The following ARHGEF6 variants were observed in gnomAD, a reference collection of about 807,000 sequenced individuals.
ARHGEF6 encodes Rac/Cdc42 guanine nucleotide exchange factor 6, also known as rho guanine nucleotide exchange factor 6.
In ARHGEF6, 9 loss-of-function variants were observed where a neutral mutation model predicts 70.3. The ratio of observed to expected loss-of-function variants is 0.13; its 90% CI spans 0.08 to 0.22. ARHGEF6 has a LOEUF of 0.22. Among genes scored for constraint, ARHGEF6 ranks in the 10% least tolerant of loss-of-function variants. ARHGEF6 has a pLI of 1.00. For synonymous variants in ARHGEF6, 201 were observed against 207.8 expected (o/e 0.97, Z 0.28); for missense variants, 470 against 563.0 (o/e 0.83, Z 1.67).
intron 9 of ARHGEF6, among the ~76,000 whole-genome samples, chrX:136,706,254 T>C (rs996569705): frequency 3.6e-5 from 4 of 111,999 alleles, no homozygotes; most frequent in South Asian, 3.7e-4. Flanking sequence ...CACTATTCTA[T>C]TGTTCATCAT....
chrX:136,745,299 G>C lies in ARHGEF6; in HGVS notation c.383C>G (p.Ala128Gly). The change falls in exon 4 of 22, where the codon GCT (alanine) becomes GGT (glycine). Residue 128 changes from alanine (A) to glycine (G), a missense_variant. By Grantham distance (60) the Ala-to-Gly change is moderately conservative. Coordinates refer to ENST00000250617, the MANE Select transcript of ARHGEF6 (RefSeq NM_004840.3). ...PCGRSSSLSAANTSQTNPQGA... is the reference protein window; with the variant it reads ...PCGRSSSLSAGNTSQTNPQGA... ...CTGTGGGTTTGTCTGAGAAGTATTA[G>C]CAGCACTAAGAGAAGAGGAACGTCC... The C allele has an allele frequency of 8.3e-7, 1 of 1,210,935 alleles. No homozygotes were observed. Among genetic ancestry groups the C allele is most frequent in the Non-Finnish European group, 1.1e-6 (1 of 894,680 alleles).
At chrX:136,754,193 G>C (rs2077180847) in intron 2 of ARHGEF6, among the ~76,000 whole-genome samples, 1 of 111,652 alleles carries the variant, frequency 9.0e-6, no homozygotes, top group Admixed American at 9.5e-5. Context: ...AGAGACTTTA[G>C]TTGAGTATTA....
intron 11 of ARHGEF6, among the ~76,000 whole-genome samples, chrX:136,686,042 T>C (rs931133621): frequency 8.9e-6 from 1 of 111,797 alleles, no homozygotes; most frequent in Admixed American, 9.4e-5. Context: ...AAGGCCTATT[T>C]TTCATTTTGC....
At chrX:136,705,345 C>T (rs976064523) in intron 9 of ARHGEF6, among the ~76,000 whole-genome samples, 2 of 110,580 alleles carry the variant, frequency 1.8e-5, no homozygotes, top group African/African-American at 6.6e-5. Context: ...AAAAGGGTAA[C>T]TTTCTATTGC....
chrX:136,756,308 G>A (rs2077206732), intron 2 of ARHGEF6, among the ~76,000 whole-genome samples: 1 of 111,538 alleles, frequency 9.0e-6, no homozygotes, highest in Non-Finnish European at 1.9e-5. Flanking sequence ...AATTTTTTAA[G>A]TTGTGTGCTG....
intron 9 of ARHGEF6, among the ~76,000 whole-genome samples, chrX:136,704,424 G>A (rs2076606159): frequency 8.9e-6 from 1 of 112,374 alleles, no homozygotes; most frequent in Admixed American, 9.4e-5. Context: ...TTTGAATGAA[G>A]GTATACGAAC....
intron 9 of ARHGEF6, among the ~76,000 whole-genome samples, chrX:136,703,026 A>G (rs2076591427): frequency 8.9e-6 from 1 of 111,951 alleles, no homozygotes; most frequent in Non-Finnish European, 1.9e-5. Context: ...GTGCTGGGAC[A>G]ACTAGATATC....
intron 5 of ARHGEF6, among the ~76,000 whole-genome samples, chrX:136,734,009 A>T (rs954745355): frequency 8.0e-5 from 9 of 112,466 alleles, no homozygotes; most frequent in African/African-American, 2.9e-4. Flanking sequence ...ATGGAATTCA[A>T]ACAGGCAGGG....
chrX:136,763,065 T>G (rs2077278982), intron 2 of ARHGEF6, among the ~76,000 whole-genome samples: 1 of 112,167 alleles, frequency 8.9e-6, no homozygotes, highest in Non-Finnish European at 1.9e-5. Context: ...GGTCTGCTTT[T>G]TATAGTTTTT....
chrX:136,743,337 A>G (rs1273865224), intron 5 of ARHGEF6, among the ~76,000 whole-genome samples: 4 of 112,224 alleles, frequency 3.6e-5, no homozygotes, highest in Non-Finnish European at 5.6e-5. Context: ...GTTAGGGTGG[A>G]CCAGTTGTCT....
chrX:136,709,215 C>T (rs1318825304), intron 7 of ARHGEF6, among the ~76,000 whole-genome samples: 2 of 111,792 alleles, frequency 1.8e-5, no homozygotes, highest in Non-Finnish European at 3.8e-5. Flanking sequence ...AATGCTCATA[C>T]ATCAATTAAA....
At chrX:136,766,148 A>AT (rs200579492) in intron 2 of ARHGEF6, among the ~76,000 whole-genome samples, 2,216 of 112,358 alleles carry the variant, frequency 0.02, 51 homozygotes, top group African/African-American at 0.067. Context: ...CAGGCCTTAC[A>AT]TTTTGGAGAG....
intron 11 of ARHGEF6, among the ~76,000 whole-genome samples, chrX:136,687,663 C>T (rs2076417996): frequency 9.0e-6 from 1 of 111,688 alleles, no homozygotes; most frequent in African/African-American, 3.3e-5. Context: ...CAAAAGGAAA[C>T]CCCCCACCTA....
At chrX:136,727,349 CTTTCTT>C (rs2076868772) in intron 6 of ARHGEF6, among the ~76,000 whole-genome samples, 3 of 48,211 alleles carry the variant, frequency 6.2e-5, no homozygotes, top group Non-Finnish European at 1.1e-4. Context: ...TTCTTTCTTT[CTTTCTT>C]TCTTTCTTTC....
intron 5 of ARHGEF6, among the ~76,000 whole-genome samples, chrX:136,741,818 AATTGATGGAATGCTTCTTGAT>A (rs1378550651): frequency 9.0e-6 from 1 of 111,707 alleles, no homozygotes; most frequent in Admixed American, 9.5e-5. Context: ...CTCTTGATGA[AATTGATGGAATGCTTCTTGAT>A]ATTCTTAGTG....
chrX:136,727,411 C>CTTTCTT (rs1556285287), intron 6 of ARHGEF6, among the ~76,000 whole-genome samples: 1 of 71,554 alleles, frequency 1.4e-5, no homozygotes, highest in African/African-American at 6.8e-5. Flanking sequence ...CTCTCTCTCT[C>CTTTCTT]TCTTTCTTTC....
intron 19 of ARHGEF6, among the ~76,000 whole-genome samples, chrX:136,673,354 G>A (rs761766562): frequency 1.3e-4 from 15 of 111,846 alleles, no homozygotes; most frequent in Admixed American, 2.8e-4. Flanking sequence ...GCCGAGGGCA[G>A]TCAGTTCTAG....
chrX:136,670,751 GC>G (rs1430077546), intron 20 of ARHGEF6, among the ~76,000 whole-genome samples: 1 of 111,859 alleles, frequency 8.9e-6, no homozygotes, highest in Non-Finnish European at 1.9e-5. Flanking sequence ...CTATGACATT[GC>G]CCTTCCCAGT....
chrX:136,679,472 A>G, intron 16 of ARHGEF6, 63 bp downstream of exon 16: 1 of 1,160,065 alleles, frequency 8.6e-7, no homozygotes, highest in Non-Finnish European at 1.2e-6. Context: ...CCACAGAACT[A>G]TTTGTAATAA....
Sources: allele counts gnomAD v4.1 joint callset (sites outside exome capture counted in the v4.1 genomes callset), GRCh38; gene constraint gnomAD v4.1.1; transcripts MANE v1.5; gene names NCBI Gene and HGNC (gene_info 2026-07-23, HGNC 2026-07-21).